Variants in PDZRN4 observed in about 807,000 individuals in gnomAD.
The protein encoded by PDZRN4 is PDZ domain containing ring finger 4, also known as PDZ domain-containing RING finger protein 4.
Under a neutral mutation model 99.0 loss-of-function variants are expected in PDZRN4, and 70 were observed. The ratio of observed to expected loss-of-function variants is 0.71; its 90% CI spans 0.58 to 0.86. PDZRN4 has a LOEUF of 0.86. Ranked by LOEUF, PDZRN4 falls within the 40% of genes least tolerant of loss-of-function variation. The pLI is 0.00. For synonymous variants in PDZRN4, 551 were observed against 501.6 expected, an observed-to-expected ratio of 1.10 and a Z score of -1.32; for missense variants, 1,474 against 1,331.2, an observed-to-expected ratio of 1.11 and a Z score of -1.67.
At chr12:41,301,397 T>C (rs1262550392) in intron 3 of PDZRN4, among the ~76,000 whole-genome samples, 1 of 152,072 alleles carries the variant, frequency 6.6e-6, no homozygotes, top group Non-Finnish European at 1.5e-5. Context: ...ATGAGGACTG[T>C]TGTTTCTATT....
intron 6 of PDZRN4, among the ~76,000 whole-genome samples, chr12:41,554,957 C>CCA (rs1939121532): frequency 6.7e-6 from 1 of 150,238 alleles, no homozygotes; most frequent in Non-Finnish European, 1.5e-5. Context: ...GCCTGTAATC[C>CCA]TAGCACTTTG....
At chr12:41,495,054 CCTTT>C (rs1937969134) in intron 3 of PDZRN4, among the ~76,000 whole-genome samples, 1 of 152,010 alleles carries the variant, frequency 6.6e-6, no homozygotes, top group African/African-American at 2.4e-5. Context: ...TGGTAACATA[CCTTT>C]CTAAGTTTAT....
chr12:41,348,215 A>G (rs76619255), intron 3 of PDZRN4, among the ~76,000 whole-genome samples: 6,468 of 152,208 alleles, frequency 0.042, 206 homozygotes, highest in Non-Finnish European at 0.063. Context: ...AGGTTTCTGG[A>G]GTGTACAGCA....
At chr12:41,232,844 C>T (rs772608170) in intron 3 of PDZRN4, among the ~76,000 whole-genome samples, 5 of 151,936 alleles carry the variant, frequency 3.3e-5, no homozygotes, top group South Asian at 2.1e-4. Flanking sequence ...AATTAATTTT[C>T]GTATAAAGTG....
intron 3 of PDZRN4, among the ~76,000 whole-genome samples, chr12:41,195,269 G>A (rs909016966): frequency 5.3e-5 from 8 of 152,114 alleles, no homozygotes; most frequent in Non-Finnish European, 8.8e-5. Flanking sequence ...GATTAGTGAA[G>A]CTATAAATAG....
At chr12:41,423,497 A>G (rs1179685159) in intron 3 of PDZRN4, among the ~76,000 whole-genome samples, 1 of 152,110 alleles carries the variant, frequency 6.6e-6, no homozygotes, top group Non-Finnish European at 1.5e-5. Flanking sequence ...ATGGCTGCAT[A>G]TATCTTTAAC....
At chr12:41,325,301 TG>T (rs1565552278) in intron 3 of PDZRN4, among the ~76,000 whole-genome samples, 1 of 152,204 alleles carries the variant, frequency 6.6e-6, no homozygotes, top group Non-Finnish European at 1.5e-5. Flanking sequence ...CTATGAAAGT[TG>T]TTTGTACCAG....
intron 3 of PDZRN4, among the ~76,000 whole-genome samples, chr12:41,404,380 C>T (rs748965639): frequency 1.3e-4 from 20 of 151,944 alleles, no homozygotes; most frequent in Non-Finnish European, 2.8e-4. Flanking sequence ...GGTTGAGAGT[C>T]AATTCAAAAA....
chr12:41,371,290 T>C (rs184427741), intron 3 of PDZRN4, among the ~76,000 whole-genome samples: 198 of 151,984 alleles, frequency 1.3e-3, no homozygotes, highest in African/African-American at 4.6e-3. Flanking sequence ...GACTTCAAAT[T>C]ACAAACTGTA....
intron 3 of PDZRN4, among the ~76,000 whole-genome samples, chr12:41,348,473 T>C (rs892233931): frequency 1.3e-5 from 2 of 152,142 alleles, no homozygotes; most frequent in African/African-American, 4.8e-5. Flanking sequence ...CTAGTAGTCA[T>C]ATGTTCTTAC....
At chr12:41,301,419 G>A (rs1012000750) in intron 3 of PDZRN4, among the ~76,000 whole-genome samples, 1 of 151,858 alleles carries the variant, frequency 6.6e-6, no homozygotes, top group Non-Finnish European at 1.5e-5. Flanking sequence ...TAGGTATGTA[G>A]CAAATGAAAT....
chr12:41,511,813 C>T (rs1407801293), intron 5 of PDZRN4, among the ~76,000 whole-genome samples: 1 of 152,250 alleles, frequency 6.6e-6, no homozygotes, highest in Non-Finnish European at 1.5e-5. Context: ...TCATTGGAGC[C>T]TGTGGTGGAC....
intron 3 of PDZRN4, among the ~76,000 whole-genome samples, chr12:41,228,616 T>C (rs897622063): frequency 2.0e-5 from 3 of 152,140 alleles, no homozygotes; most frequent in Non-Finnish European, 4.4e-5. Context: ...GCTACCTTTG[T>C]TCTGGGTATG....
chr12:41,333,196 A>C (rs1196066787), intron 3 of PDZRN4, among the ~76,000 whole-genome samples: 2 of 152,070 alleles, frequency 1.3e-5, no homozygotes, highest in African/African-American at 4.8e-5. Context: ...CTCTGGGACT[A>C]TTTTGGTAGC....
At chr12:41,421,040 T>C (rs1952484626) in intron 3 of PDZRN4, among the ~76,000 whole-genome samples, 1 of 152,196 alleles carries the variant, frequency 6.6e-6, no homozygotes, top group Non-Finnish European at 1.5e-5. Flanking sequence ...GATTTCCTCC[T>C]ATCACTTGCC....
chr12:41,398,000 G>C (rs905380378), intron 3 of PDZRN4, among the ~76,000 whole-genome samples: 1 of 152,004 alleles, frequency 6.6e-6, no homozygotes, highest in Non-Finnish European at 1.5e-5. Context: ...CCTACAGCCC[G>C]GGGGACCTTG....
At chr12:41,259,872 C>G (rs1474430090) in intron 3 of PDZRN4, among the ~76,000 whole-genome samples, 1 of 152,030 alleles carries the variant, frequency 6.6e-6, no homozygotes, top group East Asian at 1.9e-4. Context: ...ATTTTGCAAG[C>G]AAATCTATAG....
intron 3 of PDZRN4, among the ~76,000 whole-genome samples, chr12:41,330,624 A>G (rs541322569): frequency 6.6e-5 from 10 of 152,142 alleles, no homozygotes; most frequent in African/African-American, 1.9e-4. Context: ...ATAAGCTTCT[A>G]TAAATTTTAG....
intron 3 of PDZRN4, among the ~76,000 whole-genome samples, chr12:41,435,988 T>A (rs928316096): frequency 6.6e-6 from 1 of 152,214 alleles, no homozygotes; most frequent in Non-Finnish European, 1.5e-5. Flanking sequence ...ATCAGACATT[T>A]ATGTTTTACA....
Sources: allele counts gnomAD v4.1 joint callset (sites outside exome capture counted in the v4.1 genomes callset), GRCh38; gene constraint gnomAD v4.1.1; transcripts MANE v1.5; gene names NCBI Gene and HGNC (gene_info 2026-07-23, HGNC 2026-07-21).